The following PRRC2B variants were observed in gnomAD, a reference collection of about 807,000 sequenced individuals.
PRRC2B encodes the protein proline rich coiled-coil 2B, also known as protein PRRC2B.
A neutral mutation model predicts 242.3 loss-of-function variants in PRRC2B; 68 were observed. That is an observed-to-expected ratio of 0.28 (90% CI 0.23 to 0.34). The LOEUF is 0.34. PRRC2B is among the 10% of genes least tolerant of loss of function. PRRC2B has a pLI of 1.00. For synonymous variants in PRRC2B, 1,228 were observed against 1,173.6 expected (o/e 1.05, Z -0.95); for missense variants, 2,835 against 2,954.8 (o/e 0.96, Z 0.94).
intron 2 of PRRC2B, 41 bp downstream of exon 2, chr9:131,430,300 C>T (rs1423480100): frequency 6.4e-6 from 8 of 1,256,740 alleles, no homozygotes; most frequent in South Asian, 5.1e-5. Context: ...AAACTTTCTC[C>T]GAGTGACATA....
intron 12 of PRRC2B, among the ~76,000 whole-genome samples, chr9:131,467,341 TAGTCTG>T (rs1943425900): frequency 6.6e-6 from 1 of 152,238 alleles, no homozygotes; most frequent in African/African-American, 2.4e-5. Context: ...CTTAGTGTCC[TAGTCTG>T]TAAGGTGACA....
At chr9:131,411,172 G>A (rs1188798261) in intron 1 of PRRC2B, among the ~76,000 whole-genome samples, 2 of 151,632 alleles carry the variant, frequency 1.3e-5, no homozygotes, top group Non-Finnish European at 1.5e-5. Context: ...CAGGAGAATC[G>A]CCTGAACCCG....
intron 9 of PRRC2B, among the ~76,000 whole-genome samples, chr9:131,449,069 T>G (rs1471321246): frequency 6.6e-6 from 1 of 152,192 alleles, no homozygotes; most frequent in East Asian, 1.9e-4. Flanking sequence ...TTTACTCTTG[T>G]ATGGTTTTCA....
intron 5 of PRRC2B, among the ~76,000 whole-genome samples, chr9:131,442,126 T>TG (rs1554761342): frequency 6.6e-5 from 10 of 152,034 alleles, no homozygotes; most frequent in Non-Finnish European, 8.8e-5. Flanking sequence ...CTACCTTTTT[T>TG]TTTGTTTGTT....
chr9:131,430,303 G>A (rs1838097866), intron 2 of PRRC2B, 44 bp downstream of exon 2: 5 of 1,242,868 alleles, frequency 4.0e-6, no homozygotes, highest in Admixed American at 2.0e-5. Flanking sequence ...CTTTCTCCGA[G>A]TGACATATCC....
At chr9:131,426,337 C>CAAAAAAAAAAAA (rs5900939) in intron 1 of PRRC2B, among the ~76,000 whole-genome samples, 1 of 84,452 alleles carries the variant, frequency 1.2e-5, no homozygotes, top group East Asian at 3.2e-4. Flanking sequence ...AACTCTGTCT[C>CAAAAAAAAAAAA]AAAAAAAAAA....
Position 131,439,048 on chromosome 9 carries a change from A to G in PRRC2B, c.456A>G (p.Val152=), listed in dbSNP as rs1427762505. The G allele has an allele frequency of 6.2e-7, 1 of 1,613,688 alleles. No individual in the cohort carries two copies. The highest frequency in any genetic ancestry group is 8.5e-7 in the Non-Finnish European group (1 of 1,179,736). Residue 152 remains valine, a synonymous_variant, in exon 5 of 32, where the codon GTA becomes GTG. Transcript: ENST00000683519. Reference sequence around the variant, plus strand: ...GGGCACAGCTGAATGGAAAGCCAGTAGGACACGAAGGTGGTAAGTGCGCAC... The same window carrying G: ...GGGCACAGCTGAATGGAAAGCCAGTGGGACACGAAGGTGGTAAGTGCGCAC... The part of the protein sequence containing the change: ...KSWAQLNGKP[V]GHEGGLRGSS...
At chr9:131,421,493 T>A (rs560441943) in intron 1 of PRRC2B, among the ~76,000 whole-genome samples, 36 of 152,334 alleles carry the variant, frequency 2.4e-4, no homozygotes, top group Non-Finnish European at 4.3e-4. Context: ...CAGCCTGCTA[T>A]CAATTTCCAT....
At chr9:131,395,573 C>G (rs1186940863) in intron 1 of PRRC2B, among the ~76,000 whole-genome samples, 2 of 152,180 alleles carry the variant, frequency 1.3e-5, no homozygotes, top group African/African-American at 4.8e-5. Context: ...GGTGAAGGGC[C>G]TAGCAGAGGG....
chr9:131,479,050 T>C (rs568359753), intron 18 of PRRC2B, among the ~76,000 whole-genome samples: 5 of 151,894 alleles, frequency 3.3e-5, no homozygotes, highest in East Asian at 1.9e-4. Flanking sequence ...CAGATTACAG[T>C]CCGTTGGCCT....
chr9:131,412,805 T>TTC (rs1482496751), intron 1 of PRRC2B, among the ~76,000 whole-genome samples: 1 of 151,394 alleles, frequency 6.6e-6, no homozygotes, highest in East Asian at 1.9e-4. Context: ...CTCTTTTTTT[T>TTC]TTTTTTTTGA....
In PRRC2B at chr9:131,482,554, G is replaced by T; in HGVS notation, c.5167G>T (p.Glu1723Ter). Residue 1723 changes from glutamate to a stop codon, truncating the protein, a stop_gained, in exon 21 of 32, where the codon GAG becomes TAG. Coordinates refer to ENST00000683519, the MANE Select transcript of PRRC2B (RefSeq NM_013318.4). LOFTEE classifies it high-confidence loss of function. This position sits in a 1 kb window ranked among gnomAD's most constrained non-coding sequence, Gnocchi z 5.2. ...SHKEQAPKPS[E>*]QKDSEQGSGQ... is the part of the protein sequence containing the mutation. ...CAAGGAGCAGGCTCCAAAGCCATCT[G>T]AGCAGAAGGTAACCTGGACGTTCCA... 1.9e-6 allele frequency: 3 copies of T among 1,594,376 alleles called. No individual in the cohort carries two copies. In the South Asian group the frequency reaches 3.3e-5, roughly 18 times the overall value.
At chr9:131,399,834 G>A (rs1837181216) in intron 1 of PRRC2B, among the ~76,000 whole-genome samples, 1 of 152,074 alleles carries the variant, frequency 6.6e-6, no homozygotes, top group Admixed American at 6.6e-5. Context: ...ATACGGATAT[G>A]CCATAATTTA....
At chr9:131,420,497 T>TCTTTC (rs72209206) in intron 1 of PRRC2B, among the ~76,000 whole-genome samples, 15 of 16,464 alleles carry the variant, frequency 9.1e-4, no homozygotes, top group East Asian at 3.0e-3. Context: ...TTCTTTCTTT[T>TCTTTC]TTTTTTTTTT....
Position 131,400,097 on chromosome 9 carries a change from T to C in PRRC2B, c.-52+5834T>C, listed in dbSNP as rs114568949. The stretch of plus-strand genomic sequence containing the variant: ...GGCAGTCTCTTTCTTAGTTTTTTCT[T>C]TTTTGAGGCAGGGTCTCACTTTGTC... On this transcript the variant is annotated intron_variant, in intron 1 of 31. Transcript: ENST00000683519. Among the ~76,000 whole-genome samples, 1,502 of 152,144 alleles carry C rather than the reference T, an allele frequency of 9.9e-3. 27 individuals carry two copies. The highest frequency in any genetic ancestry group is 0.035 in the African/African-American group (1,446 of 41,514).
intron 1 of PRRC2B, among the ~76,000 whole-genome samples, chr9:131,425,502 T>A (rs1837953632): frequency 6.6e-6 from 1 of 151,838 alleles, no homozygotes; most frequent in African/African-American, 2.4e-5. Context: ...TTGTTGTTGT[T>A]TTTTGAGATG....
intron 1 of PRRC2B, among the ~76,000 whole-genome samples, chr9:131,424,824 C>A (rs1837937707): frequency 6.6e-6 from 1 of 152,214 alleles, no homozygotes. Flanking sequence ...GAAAACATTT[C>A]ACCTGGAACA....
chr9:131,375,906 G>C (rs1228595661), intron 1 of PRRC2B, among the ~76,000 whole-genome samples: 1 of 151,890 alleles, frequency 6.6e-6, no homozygotes, highest in African/African-American at 2.4e-5. Flanking sequence ...GAAATTAGCC[G>C]GGCATGGTGG....
intron 3 of PRRC2B, 40 bp from the exon 4 acceptor site, chr9:131,436,580 T>C: frequency 6.5e-7 from 1 of 1,545,652 alleles, no homozygotes; most frequent in South Asian, 1.1e-5. Flanking sequence ...GCCAGCGCAC[T>C]CTGTGCGGTG....
Sources: allele counts gnomAD v4.1 joint callset (sites outside exome capture counted in the v4.1 genomes callset), GRCh38; gene constraint gnomAD v4.1.1; non-coding constraint Gnocchi (gnomAD v3.1); transcripts MANE v1.5; gene names NCBI Gene and HGNC (gene_info 2026-07-23, HGNC 2026-07-21).